The following SCFD1 variants were observed in gnomAD, a reference collection of about 807,000 sequenced individuals.
The protein encoded by SCFD1 is sec1 family domain containing 1.
In SCFD1, 37 loss-of-function variants were observed where a neutral mutation model predicts 103.2. The observed-to-expected ratio is 0.36, with a 90% CI of 0.28 to 0.47. The LOEUF (loss-of-function observed/expected upper bound fraction) is 0.47. SCFD1 is among the 20% of genes least tolerant of loss of function. The pLI is 1.00. For missense variants in SCFD1, 639 were observed against 761.2 expected, an observed-to-expected ratio of 0.84 and a Z score of 1.89; for synonymous variants, 264 against 245.0, an observed-to-expected ratio of 1.08 and a Z score of -0.73.
intron 17 of SCFD1, among the ~76,000 whole-genome samples, 197 bp downstream of exon 17, chr14:30,702,572 T>C (rs1413385796): frequency 1.3e-5 from 2 of 152,142 alleles, no homozygotes; most frequent in African/African-American, 2.4e-5. Context: ...TGCCTTTCTT[T>C]CCTGGGCAAG....
At chr14:30,716,682 T>C (rs1396564195) in intron 20 of SCFD1, among the ~76,000 whole-genome samples, 1 of 152,216 alleles carries the variant, frequency 6.6e-6, no homozygotes, top group Non-Finnish European at 1.5e-5. Flanking sequence ...TAAAACCCTA[T>C]AGATTTGGCA....
intron 14 of SCFD1, among the ~76,000 whole-genome samples, chr14:30,679,286 G>A (rs922692641): frequency 1.3e-5 from 2 of 149,446 alleles, no homozygotes; most frequent in African/African-American, 4.9e-5. Context: ...TATGTCAATT[G>A]TATGAGTATG....
At chr14:30,689,886 T>G (rs1890112002) in intron 14 of SCFD1, among the ~76,000 whole-genome samples, 1 of 128,084 alleles carries the variant, frequency 7.8e-6, no homozygotes, top group Admixed American at 8.4e-5. Context: ...GGAGAGGCGC[T>G]CTGCGTTTTA....
chr14:30,654,872 G>A (rs1367810116), intron 10 of SCFD1, among the ~76,000 whole-genome samples: 2 of 152,132 alleles, frequency 1.3e-5, no homozygotes, highest in Admixed American at 6.5e-5. Context: ...AGTAGACAGG[G>A]CAAGAAGAAT....
chr14:30,712,211 C>T (rs1891933423), intron 19 of SCFD1, among the ~76,000 whole-genome samples: 1 of 152,166 alleles, frequency 6.6e-6, no homozygotes, highest in African/African-American at 2.4e-5. Context: ...TAATTCTTTA[C>T]TTGGCTGATA....
chr14:30,651,883 C>T (rs1886425135), intron 9 of SCFD1, among the ~76,000 whole-genome samples: 1 of 152,092 alleles, frequency 6.6e-6, no homozygotes, highest in Non-Finnish European at 1.5e-5. Context: ...TGTCTGGAGA[C>T]ATGTTTGGTT....
intron 23 of SCFD1, among the ~76,000 whole-genome samples, chr14:30,723,472 G>A (rs950812832): frequency 1.3e-5 from 2 of 152,068 alleles, no homozygotes; most frequent in Non-Finnish European, 2.9e-5. Context: ...CGTGTCATGG[G>A]GTTTGTTGTA....
At position 30,622,371 on chromosome 14, in the gene SCFD1, A is replaced by C; in HGVS notation, c.33A>C (p.Ala11=). The C allele has an allele frequency of 1.9e-6, 3 of 1,560,160 alleles. No homozygotes were observed. Among genetic ancestry groups the C allele is most frequent in the Non-Finnish European group, 1.7e-6 (2 of 1,151,972 alleles). ...CGGCGGCGGCAGCGACAGCAGCAGC[A>C]GCAGCCAGTATTCGGGAAAGGCAGA... MAAAAAATAA[A]AASIRERQTV... is the part of the protein sequence containing the mutation. The change falls in exon 1 of 25, where the codon GCA becomes GCC. Residue 11 remains alanine, a synonymous_variant. Coordinates refer to ENST00000458591, the MANE Select transcript of SCFD1 (RefSeq NM_016106.4).
intron 15 of SCFD1, among the ~76,000 whole-genome samples, chr14:30,696,558 C>T (rs1296171235): frequency 6.6e-6 from 1 of 152,144 alleles, no homozygotes; most frequent in Non-Finnish European, 1.5e-5. Context: ...GATGTTGGAA[C>T]CTGAGCAAGA....
chr14:30,634,493 A>T (rs532264638), intron 4 of SCFD1, among the ~76,000 whole-genome samples: 1 of 152,324 alleles, frequency 6.6e-6, no homozygotes, highest in African/African-American at 2.4e-5. Flanking sequence ...AGGAAAAAAC[A>T]TATACGGTTC....
intron 23 of SCFD1, among the ~76,000 whole-genome samples, chr14:30,724,460 C>T (rs141966174): frequency 0.019 from 2,949 of 151,928 alleles, 52 homozygotes; most frequent in Middle Eastern, 0.034. Flanking sequence ...ACCACGTTGG[C>T]CAGATTGGTC....
At chr14:30,637,803 A>G (rs924469666) in intron 4 of SCFD1, among the ~76,000 whole-genome samples, 1 of 152,164 alleles carries the variant, frequency 6.6e-6, no homozygotes, top group Non-Finnish European at 1.5e-5. Context: ...AAATATAACA[A>G]GCATTTTACT....
At chr14:30,729,028 G>A (rs187872264) in intron 23 of SCFD1, among the ~76,000 whole-genome samples, 31 of 151,966 alleles carry the variant, frequency 2.0e-4, no homozygotes, top group African/African-American at 7.2e-4. Flanking sequence ...CCAGAGTGTT[G>A]GGATTACAGG....
intron 23 of SCFD1, among the ~76,000 whole-genome samples, chr14:30,731,398 G>C (rs1203533787): frequency 6.6e-6 from 1 of 152,156 alleles, no homozygotes; most frequent in Non-Finnish European, 1.5e-5. Flanking sequence ...AAAGTCATTG[G>C]TAGCTTGATG....
At chr14:30,626,587 A>T (rs1425868397) in intron 1 of SCFD1, among the ~76,000 whole-genome samples, 1 of 152,152 alleles carries the variant, frequency 6.6e-6, no homozygotes, top group African/African-American at 2.4e-5. Flanking sequence ...CATTTTTGCT[A>T]TATAAACCAC....
chr14:30,726,424 G>A (rs1370495853), intron 23 of SCFD1, among the ~76,000 whole-genome samples: 2 of 152,112 alleles, frequency 1.3e-5, no homozygotes, highest in Non-Finnish European at 2.9e-5. Flanking sequence ...TTTGGTCATA[G>A]GATGTGTTCA....
intron 14 of SCFD1, 31 bp from the exon 15 acceptor site, chr14:30,694,737 TTAATA>T (rs760556415): frequency 1.3e-6 from 2 of 1,551,230 alleles, no homozygotes; most frequent in Non-Finnish European, 1.7e-6. Context: ...TTTTAATGAC[TTAATA>T]TATTCTCATC....
intron 8 of SCFD1, among the ~76,000 whole-genome samples, chr14:30,649,878 A>C (rs1013917948): frequency 2.0e-5 from 3 of 152,148 alleles, no homozygotes; most frequent in Non-Finnish European, 4.4e-5. Context: ...AGTATTTTAC[A>C]CTTATTTGAT....
At chr14:30,692,649 A>G (rs1223642033) in intron 14 of SCFD1, among the ~76,000 whole-genome samples, 2 of 152,238 alleles carry the variant, frequency 1.3e-5, no homozygotes, top group Non-Finnish European at 2.9e-5. Context: ...TGAAATAACT[A>G]TTTGATGTGA....
Sources: allele counts gnomAD v4.1 joint callset (sites outside exome capture counted in the v4.1 genomes callset), GRCh38; gene constraint gnomAD v4.1.1; transcripts MANE v1.5; gene names NCBI Gene and HGNC (gene_info 2026-07-23, HGNC 2026-07-21).